ABCC8: variants seen among roughly 807,000 people sequenced by gnomAD.
ABCC8 encodes the protein ATP binding cassette subfamily C member 8, also known as ATP-binding cassette sub-family C member 8.
Under a neutral mutation model 188.0 loss-of-function variants are expected in ABCC8, and 137 were observed. That is an observed-to-expected ratio of 0.73 (90% CI 0.63 to 0.84). The LOEUF (loss-of-function observed/expected upper bound fraction) is 0.84. Ranked by LOEUF, ABCC8 falls within the 40% of genes least tolerant of loss-of-function variation. The pLI is 0.00. For missense variants in ABCC8, 1,750 were observed against 2,072.7 expected (o/e 0.84, Z 3.02); for synonymous variants, 797 against 846.5 (o/e 0.94, Z 1.01).
chr11:17,438,583 A>G (rs1200823809), intron 10 of ABCC8, among the ~76,000 whole-genome samples: 4 of 152,196 alleles, frequency 2.6e-5, no homozygotes, highest in Non-Finnish European at 5.9e-5. Context: ...TGTCACCTCT[A>G]CAAAGCTTGT....
intron 8 of ABCC8, 143 bp from the exon 9 acceptor site, chr11:17,443,455 T>G: frequency 7.1e-7 from 1 of 1,400,950 alleles, no homozygotes; most frequent in Non-Finnish European, 9.8e-7. Flanking sequence ...GGGAGTGGAG[T>G]GCAGGGAAGG....
At chr11:17,476,550 G>A (rs553477821) in intron 1 of ABCC8, 79 bp downstream of exon 1, 4 of 1,534,106 alleles carry the variant, frequency 2.6e-6, no homozygotes, top group African/African-American at 1.4e-5. Context: ...AGGGGACGCC[G>A]AGCGGTGCGG....
chr11:17,418,007 T>C (rs942900306), intron 16 of ABCC8, among the ~76,000 whole-genome samples: 1 of 152,174 alleles, frequency 6.6e-6, no homozygotes, highest in Non-Finnish European at 1.5e-5. Flanking sequence ...TCCTCCAGCT[T>C]TGGCCTCCTA....
At chr11:17,453,613 A>G (rs766247407) in intron 6 of ABCC8, among the ~76,000 whole-genome samples, 2 of 152,204 alleles carry the variant, frequency 1.3e-5, no homozygotes. Context: ...GGCAAGAATA[A>G]ATAGAGCACC....
At chr11:17,415,196 T>C in intron 18 of ABCC8, 108 bp downstream of exon 18, 1 of 1,481,392 alleles carries the variant, frequency 6.8e-7, no homozygotes, top group Non-Finnish European at 9.2e-7. Context: ...CCCCCAACAC[T>C]GGGGCTGGGG....
intron 10 of ABCC8, among the ~76,000 whole-genome samples, chr11:17,432,774 T>C (rs1043728026): frequency 6.6e-6 from 1 of 152,024 alleles, no homozygotes; most frequent in African/African-American, 2.4e-5. Flanking sequence ...TGTGTGCGGG[T>C]GGGGTAGCTG....
intron 29 of ABCC8, among the ~76,000 whole-genome samples, chr11:17,401,271 G>T (rs1457562830): frequency 1.3e-5 from 2 of 152,238 alleles, no homozygotes; most frequent in Non-Finnish European, 2.9e-5. Flanking sequence ...AGAGGAGGCT[G>T]GGAGGAGACT....
chr11:17,398,493 C>T, intron 29 of ABCC8, 52 bp from the exon 30 acceptor site: 1 of 1,608,926 alleles, frequency 6.2e-7, no homozygotes, highest in Non-Finnish European at 8.5e-7. Context: ...CCACATAGCT[C>T]CTAGGAGTCT....
intron 6 of ABCC8, among the ~76,000 whole-genome samples, chr11:17,453,543 G>A (rs1029184237): frequency 6.6e-6 from 1 of 152,122 alleles, no homozygotes; most frequent in African/African-American, 2.4e-5. Context: ...ACAACTGCAG[G>A]CCCATAAATA....
At chr11:17,396,247 G>A in intron 33 of ABCC8, 1 of 490,024 alleles carries the variant, frequency 2.0e-6, no homozygotes, top group Non-Finnish European at 3.7e-6. Flanking sequence ...ATGGGCATGG[G>A]TGTGGCAGGA....
chr11:17,394,662 C>G (rs1953814284), intron 36 of ABCC8, among the ~76,000 whole-genome samples: 1 of 152,110 alleles, frequency 6.6e-6, no homozygotes, highest in African/African-American at 2.4e-5. Context: ...GGCGTGTGCA[C>G]TGAGGGGTGC....
At chr11:17,428,168 C>T (rs1366085069) in intron 14 of ABCC8, 121 bp downstream of exon 14, 38 of 1,561,524 alleles carry the variant, frequency 2.4e-5, no homozygotes, top group Admixed American at 5.1e-5. Context: ...TCCTATGGAC[C>T]GTACAGGCAG....
rs1157822337 is a variant in ABCC8, at chr11:17,404,324, G to T, written c.3557+188C>A. 6.6e-6 allele frequency among the ~76,000 whole-genome samples: 1 copy of T among 152,232 alleles called. No individual in the cohort carries two copies. Among genetic ancestry groups the T allele is most frequent in the African/African-American group, 2.4e-5 (1 of 41,456 alleles). On this transcript the variant is annotated intron_variant, in intron 28 of 38. Coordinates refer to ENST00000389817, the MANE Select transcript of ABCC8 (RefSeq NM_000352.6). The surrounding 1 kb of genome is among the most constrained non-coding windows in gnomAD (Gnocchi z 4.7). Reference sequence around the variant, plus strand: ...CAGATGTCAACCTCAGTGTGTGCGTGTGTTGGCAGACTATTATATTAGGGC... The same window carrying T: ...CAGATGTCAACCTCAGTGTGTGCGTTTGTTGGCAGACTATTATATTAGGGC...
Position 17,428,000 on chromosome 11 carries a change from G to A in ABCC8, c.2041-58C>T, listed in dbSNP as rs1014624642. The A allele has an allele frequency of 1.9e-6, 3 of 1,597,110 alleles. No homozygotes were observed. The highest frequency in any genetic ancestry group is 1.7e-6 in the Non-Finnish European group (2 of 1,171,692). On this transcript the variant is annotated intron_variant, in intron 14 of 38. Coordinates refer to ENST00000389817, the MANE Select transcript of ABCC8 (RefSeq NM_000352.6). The surrounding 1 kb of genome is among the most constrained non-coding windows in gnomAD (Gnocchi z 5.0). ...AACAGAAAGGCAGCCAGTTCCCAGT[G>A]AATAGTCTCTGGCTTCCCCTCCTCC... is the stretch of plus-strand genomic sequence containing the variant.
chr11:17,465,995 T>C lies in ABCC8; in HGVS notation c.413-2391A>G, dbSNP rs1341909418. Among the ~76,000 whole-genome samples, 4 of 152,290 alleles carry C rather than the reference T, an allele frequency of 2.6e-5. No homozygotes were observed. In the East Asian group the frequency reaches 7.7e-4, roughly 29 times the overall value. ...GACAGACGAATAGATAAACAAAATG[T>C]GGCATATCCATACAGTAGAATATTA... On this transcript the variant is annotated intron_variant, in intron 3 of 38. Coordinates refer to ENST00000389817, the MANE Select transcript of ABCC8 (RefSeq NM_000352.6).
chr11:17,426,398 T>C (rs543649284), intron 16 of ABCC8, among the ~76,000 whole-genome samples: 4 of 152,238 alleles, frequency 2.6e-5, no homozygotes, highest in Non-Finnish European at 5.9e-5. Context: ...TGAGATGGTA[T>C]CTCATTGTGG....
At chr11:17,402,890 AG>A in intron 28 of ABCC8, 137 bp from the exon 29 acceptor site, 1 of 1,059,834 alleles carries the variant, frequency 9.4e-7, no homozygotes, top group Admixed American at 2.0e-5. Context: ...TACCCCGTGA[AG>A]GGGGAAGACA....
At position 17,470,081 on chromosome 11, in the gene ABCC8, C is replaced by T; in HGVS notation, c.412+20G>A. On this transcript the variant is annotated intron_variant, in intron 3 of 38. Transcript: ENST00000389817. ...AGAAATGAATGAAGGTACTGCCCCT[C>T]CCTCCTACACCTCACCTACCAATTA... is the stretch of plus-strand genomic sequence containing the variant. The T allele has an allele frequency of 6.2e-7, 1 of 1,613,858 alleles. No homozygotes were observed. Among genetic ancestry groups the T allele is most frequent in the African/African-American group, 1.3e-5 (1 of 75,046 alleles).
Position 17,404,474 on chromosome 11 carries a change from G to T in ABCC8, c.3557+38C>A. On this transcript the variant is annotated intron_variant, in intron 28 of 38. Transcript: ENST00000389817. This position sits in a 1 kb window ranked among gnomAD's most constrained non-coding sequence, Gnocchi z 4.7. ...TAGCAAGTACACCAAACTGCACATT[G>T]CAAAGCACCTCCCACCCCTCACCCC... 2 of 1,583,126 alleles carry T rather than the reference G, an allele frequency of 1.3e-6. No individual in the cohort carries two copies. The highest frequency in any genetic ancestry group is 1.7e-6 in the Non-Finnish European group (2 of 1,151,918).
Sources: allele counts gnomAD v4.1 joint callset (sites outside exome capture counted in the v4.1 genomes callset), GRCh38; gene constraint gnomAD v4.1.1; non-coding constraint Gnocchi (gnomAD v3.1); transcripts MANE v1.5; gene names NCBI Gene and HGNC (gene_info 2026-07-23, HGNC 2026-07-21).